The following TTC6 variants were observed in gnomAD, a reference collection of about 807,000 sequenced individuals.
TTC6 encodes tetratricopeptide repeat protein 6.
A neutral mutation model predicts 210.4 loss-of-function variants in TTC6; 172 were observed. That is an observed-to-expected ratio of 0.82 (90% CI 0.72 to 0.93). The LOEUF (loss-of-function observed/expected upper bound fraction) is 0.93, where lower values mean the gene tolerates loss of function less well. Ranked by LOEUF, TTC6 falls within the 40% of genes least tolerant of loss-of-function variation. The probability of loss-of-function intolerance (pLI) is 0.00; values close to 1 mark genes in which losing one functional copy is unlikely to be tolerated. For synonymous variants in TTC6, 804 were observed against 819.6 expected (o/e 0.98, Z 0.32); for missense variants, 2,414 against 2,318.1 (o/e 1.04, Z -0.85).
chr14:37,665,621 C>T (rs1464958221), intron 1 of TTC6, among the ~76,000 whole-genome samples: 1 of 150,410 alleles, frequency 6.6e-6, no homozygotes, highest in Non-Finnish European at 1.5e-5. Context: ...AACAAACCTG[C>T]ACGTCCTGCA....
intron 7 of TTC6, among the ~76,000 whole-genome samples, chr14:37,731,956 G>T (rs2095887362): frequency 6.6e-6 from 1 of 151,836 alleles, no homozygotes; most frequent in Non-Finnish European, 1.5e-5. Context: ...TTATTTGGGT[G>T]TATTGTGTTT....
At chr14:37,751,186 A>C (rs553794351) in exon 13 of TTC6, 2 of 1,530,266 alleles carry the variant, frequency 1.3e-6, no homozygotes, top group Admixed American at 2.0e-5. Flanking sequence ...AGATGTATGA[A>C]ATAACAAACA....
intron 27 of TTC6, among the ~76,000 whole-genome samples, 190 bp from the exon 30 acceptor site, chr14:37,826,005 G>C (rs1053442748): frequency 1.3e-5 from 2 of 152,014 alleles, no homozygotes; most frequent in African/African-American, 4.8e-5. Flanking sequence ...TAAATACTCA[G>C]AGGTAATTAG....
At chr14:37,690,093 GT>G (rs566409233) in intron 3 of TTC6, among the ~76,000 whole-genome samples, 3 of 151,850 alleles carry the variant, frequency 2.0e-5, no homozygotes, top group Admixed American at 6.6e-5. Flanking sequence ...GAATTTATTA[GT>G]TTTTTTTCTT....
intron 14 of TTC6, among the ~76,000 whole-genome samples, chr14:37,780,036 A>T (rs2096049792): frequency 6.6e-6 from 1 of 152,196 alleles, no homozygotes; most frequent in Non-Finnish European, 1.5e-5. Flanking sequence ...ACAAATGCAA[A>T]AGCGAGTCTG....
intron 10 of TTC6, among the ~76,000 whole-genome samples, chr14:37,742,435 G>T (rs574709680): frequency 7.2e-5 from 11 of 151,840 alleles, no homozygotes; most frequent in Non-Finnish European, 1.6e-4. Context: ...TTGAGACATG[G>T]TTTCATTTCC....
At chr14:37,621,105 T>G (rs913080424), upstream of TTC6, among the ~76,000 whole-genome samples, 2 of 152,154 alleles carry the variant, frequency 1.3e-5, no homozygotes, top group Non-Finnish European at 2.9e-5. Context: ...CTGCTGTGGC[T>G]CAGGTGACAC....
In TTC6 at chr14:37,749,821, TA is replaced by T; in HGVS notation, c.2937del (p.Lys979AsnfsTer23). The T allele has an allele frequency of 7.1e-7, 1 of 1,408,626 alleles. No individual in the cohort carries two copies. Among genetic ancestry groups the T allele is most frequent in the Non-Finnish European group, 9.2e-7 (1 of 1,082,688 alleles). 87.3% of individuals were successfully genotyped at this position (1,408,626 alleles called of 1,614,324 possible). A position where few individuals can be genotyped will look rare whatever the true frequency, so the allele number is the denominator to read the frequency against. On this transcript the variant is annotated frameshift_variant, in exon 12 of 31. Transcript: ENST00000553443. LOFTEE classifies it high-confidence loss of function. ...CTTTGGATGACTTGAATTATATACA[TA>T]AATATAATAAAAATAATACAGGTGG...
chr14:37,745,973 T>C (rs2095934744), intron 10 of TTC6, among the ~76,000 whole-genome samples: 1 of 152,168 alleles, frequency 6.6e-6, no homozygotes, highest in South Asian at 2.1e-4. Flanking sequence ...ACCTGTAAGT[T>C]TTCCCCTATG....
chr14:37,624,385 A>G (rs2095656573), intron 1 of TTC6, among the ~76,000 whole-genome samples: 1 of 152,188 alleles, frequency 6.6e-6, no homozygotes, highest in African/African-American at 2.4e-5. Context: ...TACTTCTGAC[A>G]TAGGCTCCAT....
Position 37,727,497 on chromosome 14 carries a change from T to G in TTC6, c.1818+2495T>G, listed in dbSNP as rs900919802. The stretch of plus-strand genomic sequence containing the variant: ...TTTAGTAGAGATGGGGTTTCACTGT[T>G]TTAGCTAGGATGGTCTTGATCTCCT... On this transcript the variant is annotated intron_variant, in intron 7 of 30. Transcript: ENST00000553443. Among the ~76,000 whole-genome samples the G allele has an allele frequency of 2.2e-4, 33 of 150,860 alleles. 1 individual carries two copies. Among genetic ancestry groups the G allele is most frequent in the Admixed American group, 1.1e-3 (17 of 15,084 alleles).
chr14:37,616,699 C>T (rs2095643257), intron 2 of TTC6, among the ~76,000 whole-genome samples: 1 of 141,934 alleles, frequency 7.0e-6, no homozygotes, highest in Admixed American at 7.3e-5. Flanking sequence ...TCTGCCTCAA[C>T]ACTGCACTCC....
At chr14:37,823,836 A>G (rs1327826240) in exon 27 of TTC6, 1 of 1,613,904 alleles carries the variant, frequency 6.2e-7, no homozygotes, top group African/African-American at 1.3e-5. Flanking sequence ...GGACGGGGAA[A>G]TTCTTACATG....
At chr14:37,766,020 C>A (rs752300657) in intron 14 of TTC6, among the ~76,000 whole-genome samples, 1 of 152,074 alleles carries the variant, frequency 6.6e-6, no homozygotes, top group African/African-American at 2.4e-5. Context: ...ACAGATTGAT[C>A]ATAATGTGTC....
exon 21 of TTC6, chr14:37,804,760 A>G: frequency 6.2e-7 from 1 of 1,614,192 alleles, no homozygotes; most frequent in Non-Finnish European, 8.5e-7. Flanking sequence ...CAATTTCAGC[A>G]GACTGTCTGT....
At chr14:37,836,257 T>G (rs1207403994) in intron 29 of TTC6, among the ~76,000 whole-genome samples, 1 of 152,208 alleles carries the variant, frequency 6.6e-6, no homozygotes, top group Non-Finnish European at 1.5e-5. Context: ...CAGTTTTACA[T>G]CTATCCTGTC....
At chr14:37,748,551 A>G (rs1317717447) in intron 10 of TTC6, among the ~76,000 whole-genome samples, 2 of 151,874 alleles carry the variant, frequency 1.3e-5, no homozygotes, top group Admixed American at 6.6e-5. Flanking sequence ...CCTTCTTCCC[A>G]CTGCCTCAAG....
chr14:37,792,776 T>TGTG (rs2096083164), intron 17 of TTC6, among the ~76,000 whole-genome samples: 3 of 140,042 alleles, frequency 2.1e-5, no homozygotes, highest in African/African-American at 8.0e-5. Context: ...TGGTCCAATG[T>TGTG]TGTGTGTGTG....
exon 5 of TTC6, chr14:37,701,466 T>G (rs2095825274): frequency 1.3e-6 from 2 of 1,524,536 alleles, no homozygotes; most frequent in East Asian, 2.5e-5. Flanking sequence ...GATACCCTGC[T>G]TGGAAAATTT....
Sources: allele counts gnomAD v4.1 joint callset (sites outside exome capture counted in the v4.1 genomes callset), GRCh38; gene constraint gnomAD v4.1.1; transcripts MANE v1.5; gene names NCBI Gene and HGNC (gene_info 2026-07-23, HGNC 2026-07-21).